TEKT1: variants seen among roughly 807,000 people sequenced by gnomAD.
TEKT1 encodes the protein tektin 1.
TEKT1 carries 32 observed loss-of-function variants against 34.8 expected under a neutral mutation model. That is an observed-to-expected ratio of 0.92 (90% CI 0.69 to 1.23). TEKT1 has a LOEUF of 1.23. Ranked by LOEUF, TEKT1 falls within the 50% of genes most tolerant of loss-of-function variation. The pLI, the probability that TEKT1 is intolerant of heterozygous loss-of-function variation, is 0.00. For missense variants in TEKT1, 492 were observed against 518.5 expected, an observed-to-expected ratio of 0.95 and a Z score of 0.50; for synonymous variants, 207 against 199.8, an observed-to-expected ratio of 1.04 and a Z score of -0.30.
At chr17:6,831,079 C>T (rs1904562326) in intron 1 of TEKT1, among the ~76,000 whole-genome samples, 1 of 151,950 alleles carries the variant, frequency 6.6e-6, no homozygotes, top group African/African-American at 2.4e-5. Flanking sequence ...AAACTGACAA[C>T]TGGGTATTGA....
At chr17:6,825,690 T>C (rs1476943389) in intron 2 of TEKT1, among the ~76,000 whole-genome samples, 1 of 152,244 alleles carries the variant, frequency 6.6e-6, no homozygotes, top group African/African-American at 2.4e-5. Flanking sequence ...ATTTGGTTTG[T>C]TTTACTTTAC....
At chr17:6,818,549 G>T (rs575147897) in intron 3 of TEKT1, among the ~76,000 whole-genome samples, 1 of 152,220 alleles carries the variant, frequency 6.6e-6, no homozygotes, top group African/African-American at 2.4e-5. Flanking sequence ...TGTAGTGTCT[G>T]TTCTCACCTT....
chr17:6,830,592 C>T (rs969481778), intron 1 of TEKT1, among the ~76,000 whole-genome samples, 199 bp from the exon 2 acceptor site: 1 of 152,142 alleles, frequency 6.6e-6, no homozygotes, highest in Non-Finnish European at 1.5e-5. Flanking sequence ...GTTACTCCAC[C>T]TCAAGCCCCT....
rs199723230 is a variant in TEKT1, at chr17:6,815,134, C to T, written c.629+29G>A. ...TATCTGAGAAGCACTGGGTCACCCGCGAGGAGGAAGACGGCAAGGCCCACT... is the reference window on the plus strand; with the variant it reads ...TATCTGAGAAGCACTGGGTCACCCGTGAGGAGGAAGACGGCAAGGCCCACT... On this transcript the variant is annotated intron_variant, in intron 5 of 7. Transcript: ENST00000338694. 3.8e-5 allele frequency: 60 copies of T among 1,588,696 alleles called. 2 individuals carry two copies. In the Admixed American group the frequency reaches 8.8e-4, roughly 23 times the overall value.
chr17:6,801,880 A>T (rs1597784282), intron 6 of TEKT1, among the ~76,000 whole-genome samples: 2 of 152,320 alleles, frequency 1.3e-5, no homozygotes, highest in South Asian at 2.1e-4. Flanking sequence ...TCGCATAGTC[A>T]TCAGCAGTTT....
At chr17:6,826,627 GA>G (rs1567682235) in intron 2 of TEKT1, among the ~76,000 whole-genome samples, 1 of 140,696 alleles carries the variant, frequency 7.1e-6, no homozygotes. Context: ...CAGATAGATA[GA>G]TAGATAGATA....
intron 2 of TEKT1, among the ~76,000 whole-genome samples, chr17:6,822,433 T>C (rs774315638): frequency 3.3e-5 from 5 of 152,042 alleles, no homozygotes; most frequent in Non-Finnish European, 7.4e-5. Context: ...CACCATAACT[T>C]CTCCATTTTC....
At chr17:6,825,149 T>G (rs7223408) in intron 2 of TEKT1, among the ~76,000 whole-genome samples, 99,399 of 151,982 alleles carry the variant, frequency 0.65, 33,541 homozygotes, top group African/African-American at 0.83. Context: ...AAGGAAATTT[T>G]AATCAGGAAA....
intron 2 of TEKT1, among the ~76,000 whole-genome samples, chr17:6,828,641 T>C (rs73976291): frequency 0.072 from 10,965 of 152,124 alleles, 516 homozygotes; most frequent in Middle Eastern, 0.15. Flanking sequence ...CCACAGTCCC[T>C]ACTAAACCCT....
At chr17:6,815,421 A>C (rs1976991144) in intron 4 of TEKT1, 115 bp from the exon 5 acceptor site, 2 of 1,209,972 alleles carry the variant, frequency 1.7e-6, no homozygotes, top group Non-Finnish European at 2.4e-6. Context: ...GGATGATGGT[A>C]CTGCCCCCCA....
At chr17:6,822,027 G>T (rs912841653) in intron 2 of TEKT1, among the ~76,000 whole-genome samples, 1 of 151,582 alleles carries the variant, frequency 6.6e-6, no homozygotes, top group African/African-American at 2.4e-5. Flanking sequence ...AGACAATGGG[G>T]AAAATGTCTC....
intron 1 of TEKT1, among the ~76,000 whole-genome samples, chr17:6,831,026 A>G (rs1057367709): frequency 1.3e-5 from 2 of 149,878 alleles, no homozygotes; most frequent in Non-Finnish European, 3.0e-5. Context: ...GAGGAAGAAG[A>G]AGGAGGAGGA....
intron 3 of TEKT1, among the ~76,000 whole-genome samples, 160 bp downstream of exon 3, chr17:6,819,033 C>A (rs1977048099): frequency 6.6e-6 from 1 of 152,196 alleles, no homozygotes; most frequent in African/African-American, 2.4e-5. Context: ...GTGCCCCTTG[C>A]ACTGCCCAGC....
At chr17:6,827,314 T>G (rs1286440960) in intron 2 of TEKT1, among the ~76,000 whole-genome samples, 1 of 146,092 alleles carries the variant, frequency 6.8e-6, no homozygotes, top group Non-Finnish European at 1.5e-5. Flanking sequence ...CGGGCTGGAG[T>G]GCAGTGGCGT....
chr17:6,818,678 C>A (rs186435206), intron 3 of TEKT1, among the ~76,000 whole-genome samples: 1 of 152,246 alleles, frequency 6.6e-6, no homozygotes, highest in East Asian at 1.9e-4. Flanking sequence ...CAATAGGATG[C>A]AAATAGAAAT....
Position 6,799,356 on chromosome 17 carries a change from T to C in TEKT1, c.*671A>G, listed in dbSNP as rs1300455113. The C allele has an allele frequency of 6.6e-6, 1 of 152,146 alleles. No individual in the cohort carries two copies. Among genetic ancestry groups the C allele is most frequent in the African/African-American group, 2.4e-5 (1 of 41,430 alleles). 9.4% of individuals were successfully genotyped at this position (152,146 alleles called of 1,614,324 possible). A position where few individuals can be genotyped will look rare whatever the true frequency, so the allele number is the denominator to read the frequency against. ...GCCATGAGTACAATTGTGCAGAAAT[T>C]ATGTTGGTATAGGGTGGGACTGCTC... On this transcript the variant is annotated 3_prime_UTR_variant, in exon 8 of 8. Transcript: ENST00000338694.
chr17:6,800,000 T>G lies in TEKT1; in HGVS notation c.*27A>C, dbSNP rs754701896. On this transcript the variant is annotated 3_prime_UTR_variant, in exon 8 of 8. Coordinates refer to ENST00000338694, the MANE Select transcript of TEKT1 (RefSeq NM_053285.2). ...TGTAACTACTGTTTACAATGTGGTT[T>G]AATGAGAATTGGAACTAGCCCTACT... The G allele has an allele frequency of 1.1e-5, 17 of 1,589,276 alleles. No individual in the cohort carries two copies. Among genetic ancestry groups the G allele is most frequent in the Non-Finnish European group, 1.4e-5 (17 of 1,173,716 alleles).
rs984579675 is a variant in TEKT1, at chr17:6,827,185, A to G, written c.190+3002T>C. Among the ~76,000 whole-genome samples the G allele has an allele frequency of 3.3e-5, 5 of 151,326 alleles. 1 individual carries two copies. In the East Asian group the frequency reaches 9.7e-4, roughly 29 times the overall value. On this transcript the variant is annotated intron_variant, in intron 2 of 7. Transcript: ENST00000338694. The stretch of plus-strand genomic sequence containing the variant: ...TATACTTTGCTGTCTCAATTACCAT[A>G]GCTTTGTCACAGCTCTCAGTACCTA...
At chr17:6,801,495 G>C (rs1976771718) in intron 6 of TEKT1, among the ~76,000 whole-genome samples, 1 of 152,112 alleles carries the variant, frequency 6.6e-6, no homozygotes, top group Non-Finnish European at 1.5e-5. Flanking sequence ...AGATCACGAG[G>C]TTAGGAGTTC....
Sources: gnomAD v4.1 joint callset for allele counts (sites outside exome capture counted in the v4.1 genomes callset) on GRCh38, gnomAD v4.1.1 for gene constraint, MANE v1.5 for transcripts, NCBI Gene and HGNC (gene_info 2026-07-23, HGNC 2026-07-21) for gene names.